The following CNTN5 variants were observed in gnomAD, a reference collection of about 807,000 sequenced individuals.
The protein encoded by CNTN5 is contactin 5, also known as contactin-5.
CNTN5 carries 77 observed loss-of-function variants against 129.1 expected under a neutral mutation model. That is an observed-to-expected ratio of 0.60 (90% CI 0.50 to 0.72). The LOEUF is 0.72. Among genes scored for constraint, CNTN5 ranks in the 30% least tolerant of loss-of-function variants. CNTN5 has a pLI of 0.00. For synonymous variants in CNTN5, 509 were observed against 465.6 expected (o/e 1.09, Z -1.20); for missense variants, 1,478 against 1,328.8 (o/e 1.11, Z -1.75).
intron 1 of CNTN5, among the ~76,000 whole-genome samples, chr11:99,073,087 A>G (rs923454894): frequency 3.9e-5 from 6 of 152,120 alleles, no homozygotes; most frequent in Non-Finnish European, 8.8e-5. Context: ...TCTCATTGCT[A>G]TATAGTATTC....
chr11:99,355,538 GAC>G (rs1022207751), intron 2 of CNTN5, among the ~76,000 whole-genome samples: 1 of 152,096 alleles, frequency 6.6e-6, no homozygotes, highest in African/African-American at 2.4e-5. Context: ...CTTTCTCTTT[GAC>G]ACACACCACA....
At chr11:99,949,753 G>GA (rs1398897927) in intron 7 of CNTN5, among the ~76,000 whole-genome samples, 2 of 152,140 alleles carry the variant, frequency 1.3e-5, no homozygotes, top group African/African-American at 4.8e-5. Flanking sequence ...ATTCCACAGA[G>GA]AAAAGAAAAA....
chr11:99,657,858 G>A (rs1952436575), intron 3 of CNTN5, among the ~76,000 whole-genome samples: 1 of 152,088 alleles, frequency 6.6e-6, no homozygotes, highest in South Asian at 2.1e-4. Flanking sequence ...AGGATGAGAT[G>A]TGTTAAGATT....
At chr11:99,733,342 T>G (rs1943597374) in intron 3 of CNTN5, among the ~76,000 whole-genome samples, 2 of 146,830 alleles carry the variant, frequency 1.4e-5, no homozygotes, top group Admixed American at 1.4e-4. Context: ...AAAAAAAGCC[T>G]TAATGTGGCC....
At chr11:99,164,142 A>G (rs1473400177) in intron 1 of CNTN5, among the ~76,000 whole-genome samples, 2 of 152,096 alleles carry the variant, frequency 1.3e-5, no homozygotes, top group South Asian at 2.1e-4. Flanking sequence ...CCTGGCCAAC[A>G]TGGTGAAACC....
chr11:99,201,461 T>C (rs1859205165), intron 1 of CNTN5, among the ~76,000 whole-genome samples: 1 of 151,908 alleles, frequency 6.6e-6, no homozygotes, highest in African/African-American at 2.4e-5. Flanking sequence ...TTCCTTTTTT[T>C]CTTTTCTGTT....
At chr11:100,058,389 T>A (rs191141382) in intron 9 of CNTN5, among the ~76,000 whole-genome samples, 1 of 146,824 alleles carries the variant, frequency 6.8e-6, no homozygotes, top group East Asian at 2.2e-4. Context: ...CTCACCATTA[T>A]GCTACTGCAT....
In CNTN5 at chr11:99,831,592, A is replaced by T. The variant is rs922524562; in HGVS notation, c.277+11827A>T. 3.3e-4 allele frequency among the ~76,000 whole-genome samples: 50 copies of T among 151,970 alleles called. 1 individual carries two copies. The highest frequency in any genetic ancestry group is 1.2e-3 in the African/African-American group (50 of 41,352). The stretch of plus-strand genomic sequence containing the variant: ...GAAAGCTATAGCGGATCCAACTGGC[A>T]GCAGACTGCCAGTGACCATAACTTT... On this transcript the variant is annotated intron_variant, in intron 4 of 24. Transcript: ENST00000524871.
chr11:100,024,220 G>A (rs192134316), intron 9 of CNTN5, among the ~76,000 whole-genome samples: 7 of 152,220 alleles, frequency 4.6e-5, no homozygotes, highest in Non-Finnish European at 8.8e-5. Context: ...TGTAAGGGTC[G>A]CTTTCCCCTT....
At chr11:99,834,651 G>A (rs950549306) in intron 4 of CNTN5, among the ~76,000 whole-genome samples, 1 of 152,180 alleles carries the variant, frequency 6.6e-6, no homozygotes, top group Non-Finnish European at 1.5e-5. Flanking sequence ...CACAAAGGAA[G>A]AGCATAAAAT....
rs937703004 is a variant in CNTN5 at position 99,687,298 on chromosome 11, A to G, written c.55+131029A>G. On this transcript the variant is annotated intron_variant, in intron 3 of 24. Coordinates refer to ENST00000524871, the MANE Select transcript of CNTN5 (RefSeq NM_014361.4). ...TTAATATTATATTAACAAGGTCAAT[A>G]TAATACCTCTCAGTGTACTGGAACT... Among the ~76,000 whole-genome samples, 5 of 152,188 alleles carry G rather than the reference A, an allele frequency of 3.3e-5. No individual in the cohort carries two copies. The South Asian group carries it at 1.0e-3, about 31-fold the overall frequency.
intron 6 of CNTN5, among the ~76,000 whole-genome samples, chr11:99,903,490 C>G (rs1037360013): frequency 1.3e-5 from 2 of 152,014 alleles, no homozygotes; most frequent in Admixed American, 1.3e-4. Context: ...TACTCACAGT[C>G]AAACTGTCTT....
chr11:99,885,681 A>G (rs928801425), intron 6 of CNTN5, among the ~76,000 whole-genome samples: 1 of 152,210 alleles, frequency 6.6e-6, no homozygotes, highest in Non-Finnish European at 1.5e-5. Context: ...GCACATAATA[A>G]TAACATTTTT....
chr11:100,017,871 T>C (rs1940915413), intron 9 of CNTN5, among the ~76,000 whole-genome samples: 1 of 152,008 alleles, frequency 6.6e-6, no homozygotes, highest in African/African-American at 2.4e-5. Flanking sequence ...GCATTATCTT[T>C]AGTCTGTGGG....
chr11:100,040,989 C>T (rs1418857989), intron 9 of CNTN5, among the ~76,000 whole-genome samples: 2 of 152,186 alleles, frequency 1.3e-5, no homozygotes, highest in African/African-American at 4.8e-5. Flanking sequence ...CTGTCCTGCA[C>T]CTACTCTCTG....
chr11:99,182,259 G>A (rs1171861235), intron 1 of CNTN5, among the ~76,000 whole-genome samples: 7 of 152,094 alleles, frequency 4.6e-5, no homozygotes, highest in Admixed American at 6.6e-5. Context: ...CAAAGTATAC[G>A]TAGAGTGTCA....
At chr11:99,314,361 T>C (rs1865244703) in intron 1 of CNTN5, among the ~76,000 whole-genome samples, 1 of 152,130 alleles carries the variant, frequency 6.6e-6, no homozygotes, top group African/African-American at 2.4e-5. Flanking sequence ...ATTAGTCTAC[T>C]ACATGAAGCA....
intron 18 of CNTN5, among the ~76,000 whole-genome samples, chr11:100,290,494 C>A (rs1241290834): frequency 6.9e-6 from 1 of 145,882 alleles, no homozygotes; most frequent in East Asian, 2.0e-4. Context: ...CTGACAAAAA[C>A]AAGCAATGGG....
At chr11:99,267,772 T>G (rs1862971701) in intron 1 of CNTN5, among the ~76,000 whole-genome samples, 1 of 152,018 alleles carries the variant, frequency 6.6e-6, no homozygotes, top group African/African-American at 2.4e-5. Context: ...CACTAACACA[T>G]TGCAGTGTAT....
Sources: allele counts gnomAD v4.1 joint callset (sites outside exome capture counted in the v4.1 genomes callset), GRCh38; gene constraint gnomAD v4.1.1; transcripts MANE v1.5; gene names NCBI Gene and HGNC (gene_info 2026-07-23, HGNC 2026-07-21).